Variants in XPO4 observed in about 807,000 individuals in gnomAD.
The protein encoded by XPO4 is exportin-4.
In XPO4, 39 loss-of-function variants were observed where a neutral mutation model predicts 143.0. The ratio of observed to expected loss-of-function variants is 0.27; its 90% confidence interval spans 0.21 to 0.36. The LOEUF (loss-of-function observed/expected upper bound fraction) is 0.36. Ranked by LOEUF, XPO4 falls within the 10% of genes least tolerant of loss-of-function variation. The probability of loss-of-function intolerance (pLI) is 1.00; values close to 1 mark genes in which losing one functional copy is unlikely to be tolerated. For synonymous variants in XPO4, 439 were observed against 474.0 expected (o/e 0.93, Z 0.96); for missense variants, 907 against 1,348.0 (o/e 0.67, Z 5.12).
In XPO4 at chr13:20,827,120, C is replaced by A; in HGVS notation, c.787G>T (p.Glu263Ter). Residue 263 changes from glutamate (E) to a stop codon, truncating the protein, a stop_gained, in exon 7 of 23, where the codon GAG becomes TAG. Coordinates refer to ENST00000255305, the MANE Select transcript of XPO4 (RefSeq NM_022459.5). LOFTEE classifies it high-confidence loss of function. ...SSQNVLLKPT[E>*]SWRETLLDSR... ...TCCAGAAGAGTCTCCCGCCAGGACT[C>A]TGTTGGCTTCAACAGCACATTTTGC... 1 of 1,614,054 alleles carries A rather than the reference C, an allele frequency of 6.2e-7. No individual in the cohort carries two copies. Among genetic ancestry groups the A allele is most frequent in the Non-Finnish European group, 8.5e-7 (1 of 1,179,926 alleles).
chr13:20,885,906 C>T (rs1429172088), intron 1 of XPO4, among the ~76,000 whole-genome samples: 1 of 152,084 alleles, frequency 6.6e-6, no homozygotes, highest in African/African-American at 2.4e-5. Flanking sequence ...CAAAATATTA[C>T]TAAAAGATGC....
chr13:20,862,189 T>C (rs1251699637), intron 3 of XPO4, among the ~76,000 whole-genome samples: 2 of 152,160 alleles, frequency 1.3e-5, no homozygotes, highest in African/African-American at 2.4e-5. Context: ...CTGTGTTATA[T>C]CAATACTTAC....
chr13:20,815,038 T>C (rs779404189), intron 9 of XPO4, among the ~76,000 whole-genome samples: 1 of 152,192 alleles, frequency 6.6e-6, no homozygotes, highest in Non-Finnish European at 1.5e-5. Flanking sequence ...TGTCCCCTTT[T>C]TGACATCAAA....
intron 9 of XPO4, among the ~76,000 whole-genome samples, chr13:20,819,990 G>A (rs982911923): frequency 9.9e-5 from 15 of 152,110 alleles, no homozygotes; most frequent in African/African-American, 3.6e-4. Context: ...TGGTTTCTAC[G>A]ACTAATGCAA....
At chr13:20,867,473 A>AT (rs2060254228) in intron 2 of XPO4, among the ~76,000 whole-genome samples, 1 of 152,230 alleles carries the variant, frequency 6.6e-6, no homozygotes, top group South Asian at 2.1e-4. Context: ...TCACGAAACA[A>AT]TTTAAGATAG....
intron 1 of XPO4, among the ~76,000 whole-genome samples, chr13:20,876,264 GAAAAAAAAAA>G (rs35708026): frequency 2.4e-5 from 2 of 81,930 alleles, no homozygotes; most frequent in South Asian, 3.7e-4. Flanking sequence ...CTCCATCTCG[GAAAAAAAAAA>G]AAAAAAAAAA....
At chr13:20,836,863 C>T (rs1566596646) in intron 6 of XPO4, among the ~76,000 whole-genome samples, 1 of 152,004 alleles carries the variant, frequency 6.6e-6, no homozygotes, top group African/African-American at 2.4e-5. Flanking sequence ...TAACCACTAA[C>T]CTTTCTGTCT....
chr13:20,798,488 G>C (rs1367462559), intron 16 of XPO4, among the ~76,000 whole-genome samples: 2 of 152,154 alleles, frequency 1.3e-5, no homozygotes, highest in Non-Finnish European at 2.9e-5. Context: ...CCTAGGAAAT[G>C]AATATCATGG....
rs181182307 is a variant in XPO4 at position 20,827,880 on chromosome 13, A to G, written c.728-701T>C. On this transcript the variant is annotated intron_variant, in intron 6 of 22. Coordinates refer to ENST00000255305, the MANE Select transcript of XPO4 (RefSeq NM_022459.5). ...TTACCATAAACAAAGTAACCATCAT[A>G]TATTTGTAGGTTTTTATGAATACGA... 3.3e-3 allele frequency among the ~76,000 whole-genome samples: 510 copies of G among 152,316 alleles called. 4 individuals carry two copies. Among genetic ancestry groups the G allele is most frequent in the African/African-American group, 0.012 (489 of 41,566 alleles).
intron 13 of XPO4, among the ~76,000 whole-genome samples, chr13:20,801,776 G>A (rs1461673623): frequency 6.6e-6 from 1 of 152,200 alleles, no homozygotes; most frequent in Non-Finnish European, 1.5e-5. Flanking sequence ...CTGAGAAAAG[G>A]ATTCTAATCA....
chr13:20,782,021 G>A lies in XPO4; in HGVS notation c.*1701C>T, dbSNP rs1043987164. 2.0e-5 allele frequency: 3 copies of A among 152,164 alleles called. No homozygotes were observed. The highest frequency in any genetic ancestry group is 4.8e-5 in the African/African-American group (2 of 41,436). The allele number at this position is 152,164 out of a possible 1,614,324, so 9.4% of individuals were successfully genotyped here. A position where few individuals can be genotyped will look rare whatever the true frequency, so the allele number is the denominator to read the frequency against. Reference sequence around the variant, plus strand: ...GATGTTTTTGCTTCCCCTTAATTGTGACTCAAAGCTAATCAAATTGAGAGA... The same window carrying A: ...GATGTTTTTGCTTCCCCTTAATTGTAACTCAAAGCTAATCAAATTGAGAGA... On this transcript the variant is annotated 3_prime_UTR_variant, in exon 23 of 23. Coordinates refer to ENST00000255305, the MANE Select transcript of XPO4 (RefSeq NM_022459.5).
At chr13:20,834,632 G>A (rs1649636367) in intron 6 of XPO4, among the ~76,000 whole-genome samples, 1 of 146,306 alleles carries the variant, frequency 6.8e-6, no homozygotes, top group Non-Finnish European at 1.5e-5. Context: ...CTATAAAACA[G>A]TGTTGAAAGA....
At chr13:20,860,837 T>C (rs929130415) in intron 3 of XPO4, among the ~76,000 whole-genome samples, 3 of 152,102 alleles carry the variant, frequency 2.0e-5, no homozygotes, top group South Asian at 4.2e-4. Flanking sequence ...CTCACAAACA[T>C]GTATATCCAC....
At chr13:20,852,283 G>A (rs2060097230) in intron 4 of XPO4, 1 of 985,282 alleles carries the variant, frequency 1.0e-6, no homozygotes, top group Non-Finnish European at 1.2e-6. Flanking sequence ...GAAACAAGAT[G>A]TTCTTAAGTG....
Position 20,888,806 on chromosome 13 carries a change from A to AC in XPO4, c.69+13863dup, listed in dbSNP as rs2060483985. 2.0e-5 allele frequency among the ~76,000 whole-genome samples: 3 copies of AC among 150,248 alleles called. 1 individual carries two copies. In the South Asian group the frequency reaches 6.3e-4, roughly 32 times the overall value. On this transcript the variant is annotated intron_variant, in intron 1 of 22. Transcript: ENST00000255305. ...AGTCAGAGGATGAAGGCAAAAAGAC[A>AC]CTTTTTTTTTTTTTTGAGACAGTTT...
chr13:20,834,572 C>CA (rs201379768), intron 6 of XPO4, among the ~76,000 whole-genome samples: 104 of 134,784 alleles, frequency 7.7e-4, no homozygotes, highest in East Asian at 2.4e-3. Context: ...GACCCAGTCT[C>CA]AAAAAAAAAA....
In XPO4 at chr13:20,799,179, G is replaced by C. The variant is rs1345314447; in HGVS notation, c.2308C>G (p.Gln770Glu). Residue 770 changes from glutamine to glutamate, a missense_variant, in exon 16 of 23, where the codon CAG (glutamine) becomes GAG (glutamate). Coordinates refer to ENST00000255305, the MANE Select transcript of XPO4 (RefSeq NM_022459.5). ...FAHMDTETKQ[Q>E]YWTEVLQPLQ... Reference sequence around the variant, plus strand: ...AGCACTGTTACCTCTGTCCAATACTGCTGTTTGGTTTCTGTGTCCATATGT... The same window carrying C: ...AGCACTGTTACCTCTGTCCAATACTCCTGTTTGGTTTCTGTGTCCATATGT... The C allele has an allele frequency of 6.2e-7, 1 of 1,607,686 alleles. No homozygotes were observed. Among genetic ancestry groups the C allele is most frequent in the Non-Finnish European group, 8.5e-7 (1 of 1,175,576 alleles).
Position 20,827,048 on chromosome 13 carries a change from G to T in XPO4, c.840+19C>A. Reference sequence around the variant, plus strand: ...CTTTTCTATGGCTCTTGCTACCAGAGATGAAGACTAAAACTTACTGTGAAG... The same window carrying T: ...CTTTTCTATGGCTCTTGCTACCAGATATGAAGACTAAAACTTACTGTGAAG... On this transcript the variant is annotated intron_variant, in intron 7 of 22. Transcript: ENST00000255305. 6.5e-7 allele frequency: 1 copy of T among 1,541,186 alleles called. No homozygotes were observed. The highest frequency in any genetic ancestry group is 9.0e-7 in the Non-Finnish European group (1 of 1,113,652).
chr13:20,795,995 G>A (rs1416470924), intron 18 of XPO4, 81 bp downstream of exon 18: 21 of 1,358,038 alleles, frequency 1.5e-5, no homozygotes, highest in Middle Eastern at 2.6e-4. Context: ...CTCATGAGAT[G>A]TCTCTTACAG....
Sources: allele counts gnomAD v4.1 joint callset (sites outside exome capture counted in the v4.1 genomes callset), GRCh38; gene constraint gnomAD v4.1.1; transcripts MANE v1.5; gene names NCBI Gene and HGNC (gene_info 2026-07-23, HGNC 2026-07-21).